The following MAPKAPK3 variants were observed in gnomAD, a reference collection of about 807,000 sequenced individuals.
MAPKAPK3 encodes MAPK activated protein kinase 3, also known as MAP kinase-activated protein kinase 3.
In MAPKAPK3, 35 loss-of-function variants were observed where a neutral mutation model predicts 49.2. The observed-to-expected ratio is 0.71, with a 90% CI of 0.54 to 0.94. The LOEUF is 0.94. Ranked by LOEUF, MAPKAPK3 falls within the 40% of genes least tolerant of loss-of-function variation. The pLI is 0.00. For synonymous variants in MAPKAPK3, 178 were observed against 188.7 expected (o/e 0.94, Z 0.46); for missense variants, 398 against 493.1 (o/e 0.81, Z 1.83).
chr3:50,616,645 T>C (rs578033063), upstream of MAPKAPK3, among the ~76,000 whole-genome samples: 2 of 152,076 alleles, frequency 1.3e-5, no homozygotes, highest in African/African-American at 4.8e-5. Context: ...TGCTGGAGAC[T>C]CCCAGAGCCA....
At chr3:50,635,568 C>A (rs996030237) in intron 2 of MAPKAPK3, among the ~76,000 whole-genome samples, 1 of 151,614 alleles carries the variant, frequency 6.6e-6, no homozygotes, top group African/African-American at 2.4e-5. Context: ...CAGACGCACA[C>A]CACCACACTA....
chr3:50,624,278 C>T (rs542096665), intron 2 of MAPKAPK3, among the ~76,000 whole-genome samples: 88 of 150,022 alleles, frequency 5.9e-4, no homozygotes, highest in Non-Finnish European at 8.2e-4. Context: ...TGTGCACTCA[C>T]GTGTGTGTGT....
chr3:50,647,977 G>T lies in MAPKAPK3; in HGVS notation c.1080G>T (p.Arg360=). ...KIKDLKTSNN[R]LLNKRRKKQA... is the part of the protein sequence containing the mutation. ...AGGACCTGAAGACCTCTAACAACCG[G>T]CTCCTCAACAAGAGGAGAAAAAAGC... Residue 360 remains arginine (R), a synonymous_variant, in exon 11 of 11, where the codon CGG becomes CGT. Transcript: ENST00000621469. The T allele has an allele frequency of 6.2e-7, 1 of 1,613,918 alleles. No individual in the cohort carries two copies. The highest frequency in any genetic ancestry group is 1.1e-5 in the South Asian group (1 of 91,084).
intron 9 of MAPKAPK3, 26 bp from the exon 10 acceptor site, chr3:50,647,097 A>C (rs771803375): frequency 1.3e-6 from 2 of 1,551,366 alleles, no homozygotes; most frequent in Non-Finnish European, 1.7e-6. Flanking sequence ...CCAGTTTCTA[A>C]TCCACGGGCG....
chr3:50,617,808 TG>T, intron 2 of MAPKAPK3, 24 bp downstream of exon 2: 2 of 1,584,834 alleles, frequency 1.3e-6, no homozygotes, highest in Non-Finnish European at 1.7e-6. Flanking sequence ...CACTGAGGCC[TG>T]GGGTATCCTG....
intron 2 of MAPKAPK3, among the ~76,000 whole-genome samples, chr3:50,620,960 A>G (rs140735802): frequency 2.0e-5 from 3 of 152,304 alleles, no homozygotes; most frequent in East Asian, 3.9e-4. Context: ...TTTGTCACAC[A>G]TCAGTTACCC....
At position 50,642,361 on chromosome 3, in the gene MAPKAPK3, C is replaced by G. The variant is rs764657595; in HGVS notation, c.504+29C>G. On this transcript the variant is annotated intron_variant, in intron 5 of 10. Transcript: ENST00000621469. ...AGGCTCCAGGATTCAGGTTGGGGGCCCGGGGAAGAGGATATTGTCCCACTC... is the reference window on the plus strand; with the variant it reads ...AGGCTCCAGGATTCAGGTTGGGGGCGCGGGGAAGAGGATATTGTCCCACTC... 1.9e-6 allele frequency: 3 copies of G among 1,567,152 alleles called. No individual in the cohort carries two copies. The South Asian group carries it at 3.3e-5, about 17-fold the overall frequency.
rs139885977 is a variant in MAPKAPK3, at chr3:50,638,194, C to G, written c.220-2172C>G. ...GTGGGAGCCAGCCTGGGAGGCCTGA[C>G]AGGAGATGGTCAGGTCAGACTGGGG... On this transcript the variant is annotated intron_variant, in intron 2 of 10. Coordinates refer to ENST00000621469, the MANE Select transcript of MAPKAPK3 (RefSeq NM_001243925.2). Among the ~76,000 whole-genome samples, 364 of 152,066 alleles carry G rather than the reference C, an allele frequency of 2.4e-3. 2 individuals carry two copies. Among genetic ancestry groups the G allele is most frequent in the African/African-American group, 8.4e-3 (350 of 41,464 alleles).
upstream of MAPKAPK3, among the ~76,000 whole-genome samples, chr3:50,616,597 G>T (rs1474122112): frequency 1.3e-5 from 2 of 152,160 alleles, no homozygotes. Context: ...GCGAGTCAAG[G>T]GCATAAGCGG....
intron 6 of MAPKAPK3, 43 bp downstream of exon 6, chr3:50,644,575 A>G (rs2033246163): frequency 1.2e-6 from 2 of 1,608,366 alleles, no homozygotes; most frequent in African/African-American, 2.7e-5. Flanking sequence ...ACCCCAACTT[A>G]TACAGCTGTA....
chr3:50,617,420 G>A, intron 1 of MAPKAPK3, 94 bp from the exon 2 acceptor site: 1 of 588,944 alleles, frequency 1.7e-6, no homozygotes, highest in Non-Finnish European at 3.0e-6. Flanking sequence ...CTCCCAGCTT[G>A]CCCCGGGCTC....
chr3:50,631,124 C>T (rs2032900506), intron 2 of MAPKAPK3, among the ~76,000 whole-genome samples: 2 of 149,640 alleles, frequency 1.3e-5, no homozygotes, highest in Non-Finnish European at 3.0e-5. Flanking sequence ...AGCGAGGTCT[C>T]ATCTGGCAGG....
Position 50,640,428 on chromosome 3 carries a change from C to T in MAPKAPK3, c.282C>T (p.Gly94=). ...EVDHHWQASG[G]PHIVCILDVY... ...ACCATCACTGGCAGGCTTCTGGCGG[C>T]CCCCATATTGTCTGCATCCTGGATG... Residue 94 remains glycine (G), a synonymous_variant, in exon 3 of 11, where the codon GGC becomes GGT. Transcript: ENST00000621469. 3 of 1,614,116 alleles carry T rather than the reference C, an allele frequency of 1.9e-6. No individual in the cohort carries two copies. The highest frequency in any genetic ancestry group is 2.5e-6 in the Non-Finnish European group (3 of 1,180,000).
chr3:50,643,131 C>A (rs1227536395), intron 5 of MAPKAPK3, among the ~76,000 whole-genome samples: 1 of 152,226 alleles, frequency 6.6e-6, no homozygotes, highest in Non-Finnish European at 1.5e-5. Context: ...GGATTACAGG[C>A]GTGAGCCATT....
Position 50,642,344 on chromosome 3 carries a change from G to A in MAPKAPK3, c.504+12G>A. Reference sequence around the variant, plus strand: ...ACCGAGATGTCAAGGTGAGGCTCCAGGATTCAGGTTGGGGGCCCGGGGAAG... The same window carrying A: ...ACCGAGATGTCAAGGTGAGGCTCCAAGATTCAGGTTGGGGGCCCGGGGAAG... On this transcript the variant is annotated intron_variant, in intron 5 of 10. Transcript: ENST00000621469. The A allele has an allele frequency of 6.2e-7, 1 of 1,609,686 alleles. No individual in the cohort carries two copies. The highest frequency in any genetic ancestry group is 8.5e-7 in the Non-Finnish European group (1 of 1,178,120).
At chr3:50,645,395 C>T (rs781432012) in intron 6 of MAPKAPK3, among the ~76,000 whole-genome samples, 1 of 152,216 alleles carries the variant, frequency 6.6e-6, no homozygotes, top group Non-Finnish European at 1.5e-5. Context: ...CCAAGACCCT[C>T]TCACCTACGG....
intron 2 of MAPKAPK3, among the ~76,000 whole-genome samples, chr3:50,621,560 T>C (rs1489048469): frequency 7.0e-6 from 1 of 143,170 alleles, no homozygotes; most frequent in Admixed American, 7.5e-5. Flanking sequence ...ATCACGCCAC[T>C]GCACTCCAGC....
At chr3:50,647,333 T>G in intron 10 of MAPKAPK3, 130 bp downstream of exon 10, 2 of 712,838 alleles carry the variant, frequency 2.8e-6, no homozygotes, top group Non-Finnish European at 4.8e-6. Context: ...TGTCAGTGAC[T>G]GTCGCAGTGG....
upstream of MAPKAPK3, among the ~76,000 whole-genome samples, chr3:50,615,084 C>A (rs2032429353): frequency 6.6e-6 from 1 of 152,186 alleles, no homozygotes; most frequent in South Asian, 2.1e-4. Context: ...AGGAGCCAGC[C>A]TCCACCCTCA....
Sources: gnomAD v4.1 joint callset for allele counts (sites outside exome capture counted in the v4.1 genomes callset) on GRCh38, gnomAD v4.1.1 for gene constraint, MANE v1.5 for transcripts, NCBI Gene and HGNC (gene_info 2026-07-23, HGNC 2026-07-21) for gene names.